PLEKHA5: variants seen among roughly 807,000 people sequenced by gnomAD.
PLEKHA5 encodes pleckstrin homology domain containing A5.
PLEKHA5 carries 55 observed loss-of-function variants against 181.9 expected under a neutral mutation model. The observed-to-expected ratio is 0.30, with a 90% confidence interval of 0.24 to 0.38. The LOEUF (loss-of-function observed/expected upper bound fraction) is 0.38. Ranked by LOEUF, PLEKHA5 falls within the 10% of genes least tolerant of loss-of-function variation. PLEKHA5 has a pLI of 1.00. For synonymous variants in PLEKHA5, 535 were observed against 529.4 expected (o/e 1.01, Z -0.15); for missense variants, 1,432 against 1,549.5 (o/e 0.92, Z 1.27).
intron 21 of PLEKHA5, 48 bp downstream of exon 21, chr12:19,336,664 T>C (rs1434991768): frequency 9.9e-7 from 1 of 1,014,424 alleles, no homozygotes; most frequent in East Asian, 2.5e-5. Context: ...TTTTTACTGG[T>C]ACTGTACAAT....
intron 29 of PLEKHA5, among the ~76,000 whole-genome samples, chr12:19,363,496 CTT>C (rs570959816): frequency 8.0e-5 from 11 of 138,270 alleles, no homozygotes; most frequent in Admixed American, 1.5e-4. Flanking sequence ...AACTAGCCTT[CTT>C]TTTTTTTTTT....
intron 3 of PLEKHA5, among the ~76,000 whole-genome samples, chr12:19,160,581 A>G (rs1028546549): frequency 2.6e-5 from 4 of 152,164 alleles, no homozygotes; most frequent in Non-Finnish European, 5.9e-5. Context: ...CATTTATATA[A>G]TAAGAGAATT....
At position 19,253,064 on chromosome 12, in the gene PLEKHA5, C is replaced by CTTTTTTTTTTTTT. The variant is rs35536570; in HGVS notation, c.228-862_228-850dup. Among the ~76,000 whole-genome samples the CTTTTTTTTTTTTT allele has an allele frequency of 6.1e-3, 278 of 45,884 alleles. 52 individuals are homozygous for CTTTTTTTTTTTTT. Among genetic ancestry groups the CTTTTTTTTTTTTT allele is most frequent in the South Asian group, 9.8e-3 (9 of 920 alleles). The allele number at this position is 45,884 out of a possible 152,430, so 30.1% of individuals were successfully genotyped here. The stretch of plus-strand genomic sequence containing the variant: ...GAGCTAAACAGCCAAATCAACTTAC[C>CTTTTTTTTTTTTT]TTTTTTTTTTTTTTTTTTTTTTTTT... On this transcript the variant is annotated intron_variant, in intron 3 of 31. Transcript: ENST00000429027.
intron 2 of PLEKHA5, 74 bp from the exon 3 acceptor site, chr12:19,132,319 G>T (rs2034163257): frequency 3.8e-6 from 3 of 794,818 alleles, no homozygotes; most frequent in Non-Finnish European, 2.1e-6. Flanking sequence ...AATGAAAATG[G>T]ATAATTAAAA....
At chr12:19,196,584 C>T (rs1488812603) in intron 3 of PLEKHA5, among the ~76,000 whole-genome samples, 2 of 152,138 alleles carry the variant, frequency 1.3e-5, no homozygotes, top group African/African-American at 2.4e-5. Context: ...GCATAAGCTC[C>T]TTCTAATCCC....
chr12:19,269,733 TA>T, intron 8 of PLEKHA5, 36 bp from the exon 9 acceptor site: 1 of 1,085,312 alleles, frequency 9.2e-7, no homozygotes, highest in Non-Finnish European at 1.4e-6. Flanking sequence ...CAGAATCCTA[TA>T]TTTTTATTTA....
intron 3 of PLEKHA5, among the ~76,000 whole-genome samples, chr12:19,251,449 AC>A (rs1345495866): frequency 1.3e-5 from 2 of 151,738 alleles, no homozygotes. Context: ...AAGTTGTATC[AC>A]CAGATGAGGA....
intron 21 of PLEKHA5, among the ~76,000 whole-genome samples, chr12:19,340,055 G>T (rs2093735590): frequency 6.6e-6 from 1 of 152,072 alleles, no homozygotes; most frequent in African/African-American, 2.4e-5. Context: ...GAGAATTGTT[G>T]AACAGCATTT....
chr12:19,261,832 CA>C (rs1423628070), intron 7 of PLEKHA5, among the ~76,000 whole-genome samples: 4 of 152,130 alleles, frequency 2.6e-5, no homozygotes, highest in African/African-American at 9.7e-5. Flanking sequence ...TTTGACTGCA[CA>C]AAAGACCGGT....
At chr12:19,175,838 A>G (rs1170152383) in intron 3 of PLEKHA5, among the ~76,000 whole-genome samples, 1 of 152,086 alleles carries the variant, frequency 6.6e-6, no homozygotes, top group African/African-American at 2.4e-5. Context: ...AAATTCTCTT[A>G]AACAAACATA....
intron 3 of PLEKHA5, among the ~76,000 whole-genome samples, chr12:19,218,590 CA>C (rs1214635584): frequency 6.6e-6 from 1 of 151,906 alleles, no homozygotes; most frequent in African/African-American, 2.4e-5. Context: ...TAGCAATATC[CA>C]AAAATCCTGT....
chr12:19,273,120 G>T (rs1334721895), intron 10 of PLEKHA5, among the ~76,000 whole-genome samples: 1 of 152,172 alleles, frequency 6.6e-6, no homozygotes, highest in East Asian at 1.9e-4. Context: ...TTTTGGCCCG[G>T]CTGGTCTCAA....
chr12:19,236,993 G>A (rs2061501984), intron 3 of PLEKHA5: 1 of 152,166 alleles, frequency 6.6e-6, no homozygotes, highest in African/African-American at 2.4e-5. Context: ...CTTTTTGCCT[G>A]TAATTGAATA....
In PLEKHA5 at chr12:19,375,634, C is replaced by G. The variant is rs1349167845; in HGVS notation, c.*115C>G. 1 of 152,598 alleles carries G rather than the reference C, an allele frequency of 6.6e-6. No homozygotes were observed. The highest frequency in any genetic ancestry group is 1.5e-5 in the Non-Finnish European group (1 of 68,044). 9.5% of individuals were successfully genotyped at this position (152,598 alleles called of 1,614,324 possible). A position where few individuals can be genotyped will look rare whatever the true frequency, so the allele number is the denominator to read the frequency against. On this transcript the variant is annotated 3_prime_UTR_variant, in exon 32 of 32. Coordinates refer to ENST00000429027, the MANE Select transcript of PLEKHA5 (RefSeq NM_001256470.2). The stretch of plus-strand genomic sequence containing the variant: ...TTTTAAATCTATGAAATTCATAGTT[C>G]TGATGCTTTTGGTCACAGAGCATCA...
intron 3 of PLEKHA5, among the ~76,000 whole-genome samples, chr12:19,156,645 A>G (rs868366031): frequency 6.6e-6 from 1 of 152,000 alleles, no homozygotes; most frequent in South Asian, 2.1e-4. Context: ...GAACTCTGAT[A>G]AGAGATTATG....
chr12:19,260,922 A>C (rs2152612780), intron 6 of PLEKHA5, 27 bp from the exon 7 acceptor site: 1 of 1,365,390 alleles, frequency 7.3e-7, no homozygotes, highest in East Asian at 2.4e-5. Context: ...TTGAGAAATA[A>C]TCCTTAAATA....
At chr12:19,323,857 G>A (rs1223094259) in intron 20 of PLEKHA5, among the ~76,000 whole-genome samples, 1 of 151,124 alleles carries the variant, frequency 6.6e-6, no homozygotes, top group Non-Finnish European at 1.5e-5. Context: ...TAACAGAACC[G>A]TGTAACTCAT....
At chr12:19,317,170 T>C (rs2089136653) in intron 16 of PLEKHA5, among the ~76,000 whole-genome samples, 1 of 152,002 alleles carries the variant, frequency 6.6e-6, no homozygotes, top group African/African-American at 2.4e-5. Flanking sequence ...AGTTTGAGAC[T>C]AGCCTGGGCA....
At chr12:19,367,317 G>A (rs1303753999) in intron 30 of PLEKHA5, among the ~76,000 whole-genome samples, 7 of 130,280 alleles carry the variant, frequency 5.4e-5, no homozygotes, top group Admixed American at 8.8e-5. Flanking sequence ...GTGATGTGGC[G>A]TGATCTCAGC....
Sources: gnomAD v4.1 joint callset for allele counts (sites outside exome capture counted in the v4.1 genomes callset) on GRCh38, gnomAD v4.1.1 for gene constraint, MANE v1.5 for transcripts, NCBI Gene and HGNC (gene_info 2026-07-23, HGNC 2026-07-21) for gene names.